Variants in DOK5 observed in about 807,000 individuals in gnomAD.
DOK5 encodes downstream of tyrosine kinase 5.
Under a neutral mutation model 43.3 loss-of-function variants are expected in DOK5, and 27 were observed. The observed-to-expected ratio is 0.62, with a 90% confidence interval of 0.46 to 0.86. DOK5 has a LOEUF of 0.86. Ranked by LOEUF, DOK5 falls within the 40% of genes least tolerant of loss-of-function variation. The probability of loss-of-function intolerance (pLI) is 0.00; values close to 1 mark genes in which losing one functional copy is unlikely to be tolerated. For synonymous variants in DOK5, 146 were observed against 140.1 expected, an observed-to-expected ratio of 1.04 and a Z score of -0.30; for missense variants, 373 against 392.9, an observed-to-expected ratio of 0.95 and a Z score of 0.43.
At chr20:54,623,940 T>G (rs1987064268) in intron 6 of DOK5, among the ~76,000 whole-genome samples, 1 of 152,190 alleles carries the variant, frequency 6.6e-6, no homozygotes, top group Non-Finnish European at 1.5e-5. Flanking sequence ...GAGACTCACC[T>G]TGAAGCAATG....
At chr20:54,624,085 C>T (rs1192059614) in intron 6 of DOK5, among the ~76,000 whole-genome samples, 1 of 152,230 alleles carries the variant, frequency 6.6e-6, no homozygotes, top group Non-Finnish European at 1.5e-5. Flanking sequence ...GGTAAGGCCC[C>T]TGTCTTCTGT....
At chr20:54,646,428 T>C (rs1204782163) in intron 7 of DOK5, among the ~76,000 whole-genome samples, 1 of 151,952 alleles carries the variant, frequency 6.6e-6, no homozygotes, top group Non-Finnish European at 1.5e-5. Context: ...TAATTTATTA[T>C]TTTTAGTAGA....
intron 1 of DOK5, among the ~76,000 whole-genome samples, chr20:54,544,970 T>C (rs1025921832): frequency 6.6e-6 from 1 of 152,180 alleles, no homozygotes; most frequent in Non-Finnish European, 1.5e-5. Flanking sequence ...GCAGAATAGC[T>C]CCTCTCATCC....
chr20:54,621,502 G>C (rs1023558211), intron 6 of DOK5, among the ~76,000 whole-genome samples: 9 of 152,170 alleles, frequency 5.9e-5, no homozygotes, highest in East Asian at 1.9e-4. Context: ...GACCAGCCTG[G>C]CCAACATGGT....
At chr20:54,620,065 G>A (rs6023417) in intron 6 of DOK5, among the ~76,000 whole-genome samples, 5,863 of 152,080 alleles carry the variant, frequency 0.039, 395 homozygotes, top group African/African-American at 0.13. Flanking sequence ...TTTAAAATGT[G>A]CTGCTTAAAG....
chr20:54,591,801 G>A lies in DOK5; in HGVS notation c.595G>A (p.Gly199Arg), dbSNP rs753603539. The A allele has an allele frequency of 6.2e-7, 1 of 1,610,660 alleles. No individual in the cohort carries two copies. Among genetic ancestry groups the A allele is most frequent in the Admixed American group, 1.7e-5 (1 of 59,294 alleles). The change falls in exon 5 of 8, where the codon GGG becomes AGG. Residue 199 changes from glycine to arginine, a missense_variant. Physicochemically the swap from Gly to Arg is moderately radical, Grantham distance 125 (BLOSUM62 -2). Coordinates refer to ENST00000262593, the MANE Select transcript of DOK5 (RefSeq NM_018431.5). ...RDTTWFTFEAGRMCETGEGLF... is the reference protein window; with the variant it reads ...RDTTWFTFEARRMCETGEGLF... ...TACTACGTGGTTCACTTTTGAGGCA[G>A]GGAGGTGAGTTTAATGACTTTTAAT...
chr20:54,486,457 CA>C (rs1981937902), intron 1 of DOK5, among the ~76,000 whole-genome samples: 1 of 151,946 alleles, frequency 6.6e-6, no homozygotes, highest in Non-Finnish European at 1.5e-5. Context: ...TATTCTTTTT[CA>C]AAATTGTTTT....
rs571595391 is a variant in DOK5 at position 54,610,490 on chromosome 20, C to T, written c.702C>T (p.His234=). 1.2e-4 allele frequency: 182 copies of T among 1,554,352 alleles called. 3 individuals are homozygous for T. In the South Asian group the frequency reaches 1.7e-3, roughly 14 times the overall value. The change falls in exon 6 of 8, where the codon CAC becomes CAT. Residue 234 remains histidine, a synonymous_variant. Transcript: ENST00000262593. Reference sequence around the variant, plus strand: ...CTGCCTTGGCCATAGCCGAGCAGCACGAGCGCTTGCTACAGAGTGTGAAAA... The same window carrying T: ...CTGCCTTGGCCATAGCCGAGCAGCATGAGCGCTTGCTACAGAGTGTGAAAA... The part of the protein sequence containing the change: ...HSAALAIAEQ[H]ERLLQSVKNS...
chr20:54,637,978 C>T (rs1978910927), intron 6 of DOK5, among the ~76,000 whole-genome samples: 1 of 152,132 alleles, frequency 6.6e-6, no homozygotes, highest in African/African-American at 2.4e-5. Flanking sequence ...AATAATCAGC[C>T]AGGCGTGGTG....
chr20:54,624,797 C>T (rs1987086238), intron 6 of DOK5, among the ~76,000 whole-genome samples: 1 of 152,184 alleles, frequency 6.6e-6, no homozygotes, highest in South Asian at 2.1e-4. Context: ...TGAAAATAAC[C>T]ATTTGAGTGC....
intron 1 of DOK5, among the ~76,000 whole-genome samples, chr20:54,515,500 C>A (rs1043619923): frequency 6.6e-6 from 1 of 152,144 alleles, no homozygotes; most frequent in South Asian, 2.1e-4. Flanking sequence ...TTTGTGAGGA[C>A]ATGGAGATTT....
At chr20:54,485,037 A>G (rs1431097077) in intron 1 of DOK5, among the ~76,000 whole-genome samples, 1 of 152,084 alleles carries the variant, frequency 6.6e-6, no homozygotes, top group East Asian at 1.9e-4. Context: ...TTTTTTAAAA[A>G]GAATATTATG....
intron 1 of DOK5, among the ~76,000 whole-genome samples, chr20:54,541,844 C>T (rs1018499578): frequency 2.0e-5 from 3 of 152,136 alleles, no homozygotes; most frequent in African/African-American, 7.2e-5. Context: ...TTTATTCTCC[C>T]TTTAACATGC....
At chr20:54,610,642 C>A in intron 6 of DOK5, 119 bp downstream of exon 6, 1 of 1,153,928 alleles carries the variant, frequency 8.7e-7, no homozygotes, top group Non-Finnish European at 1.1e-6. Flanking sequence ...TTCCTCTTCT[C>A]AACAGTGTAT....
At chr20:54,632,749 T>G (rs1003130566) in intron 6 of DOK5, among the ~76,000 whole-genome samples, 1 of 152,176 alleles carries the variant, frequency 6.6e-6, no homozygotes, top group Non-Finnish European at 1.5e-5. Flanking sequence ...TCCTAAATCA[T>G]TAAGATCAAA....
intron 5 of DOK5, among the ~76,000 whole-genome samples, chr20:54,603,679 A>G (rs1986368932): frequency 6.6e-6 from 1 of 152,148 alleles, no homozygotes; most frequent in Non-Finnish European, 1.5e-5. Flanking sequence ...AACGCCCAGG[A>G]CAGCCCTAAT....
intron 1 of DOK5, among the ~76,000 whole-genome samples, chr20:54,478,736 T>C (rs1981541771): frequency 6.6e-6 from 1 of 152,222 alleles, no homozygotes. Flanking sequence ...AGTTTCCTAG[T>C]CTGTACAATG....
intron 1 of DOK5, among the ~76,000 whole-genome samples, chr20:54,552,496 G>T (rs1984563900): frequency 6.6e-6 from 1 of 151,608 alleles, no homozygotes. Flanking sequence ...TTATCTTACA[G>T]ATGTATAACA....
chr20:54,509,032 C>A (rs1276399603), intron 1 of DOK5, among the ~76,000 whole-genome samples: 1 of 151,440 alleles, frequency 6.6e-6, no homozygotes, highest in South Asian at 2.1e-4. Flanking sequence ...ACACGCCACC[C>A]CACCCAGCTA....
Sources: allele counts gnomAD v4.1 joint callset (sites outside exome capture counted in the v4.1 genomes callset), GRCh38; gene constraint gnomAD v4.1.1; transcripts MANE v1.5; gene names NCBI Gene and HGNC (gene_info 2026-07-23, HGNC 2026-07-21).